SCEL: variants seen among roughly 807,000 people sequenced by gnomAD.
SCEL encodes sciellin.
In SCEL, 113 loss-of-function variants were observed where a neutral mutation model predicts 117.6. That is an observed-to-expected ratio of 0.96 (90% confidence interval 0.83 to 1.12). SCEL has a LOEUF of 1.12. Among genes scored for constraint, SCEL ranks in the 50% most tolerant of loss-of-function variants. SCEL has a pLI of 0.00. For missense variants in SCEL, 785 were observed against 810.8 expected (o/e 0.97, Z 0.39); for synonymous variants, 270 against 256.2 (o/e 1.05, Z -0.51).
intron 5 of SCEL, among the ~76,000 whole-genome samples, chr13:77,566,237 T>G (rs997860069): frequency 1.3e-5 from 2 of 152,150 alleles, no homozygotes; most frequent in African/African-American, 4.8e-5. Flanking sequence ...AGTGAACGAT[T>G]TGGGAGATAG....
At chr13:77,643,195 A>G (rs985431539) in intron 32 of SCEL, among the ~76,000 whole-genome samples, 4 of 152,142 alleles carry the variant, frequency 2.6e-5, no homozygotes, top group African/African-American at 4.8e-5. Flanking sequence ...TATTGCATTA[A>G]ATGCTTTTGA....
chr13:77,562,033 G>C (rs931232790), intron 4 of SCEL, among the ~76,000 whole-genome samples: 3 of 152,170 alleles, frequency 2.0e-5, no homozygotes, highest in Non-Finnish European at 4.4e-5. Context: ...CCATGTACAT[G>C]TTCTGGTAGA....
At chr13:77,545,640 A>C (rs2083946190) in intron 1 of SCEL, among the ~76,000 whole-genome samples, 1 of 152,236 alleles carries the variant, frequency 6.6e-6, no homozygotes, top group Non-Finnish European at 1.5e-5. Flanking sequence ...TACACCTTAG[A>C]GGCTTTACAT....
intron 27 of SCEL, among the ~76,000 whole-genome samples, chr13:77,618,800 G>T (rs1352246763): frequency 5.3e-5 from 8 of 152,036 alleles, no homozygotes; most frequent in Non-Finnish European, 2.9e-5. Context: ...CCAAACTAAT[G>T]GTTTATGTGG....
chr13:77,603,843 A>G (rs2087907129), intron 18 of SCEL, among the ~76,000 whole-genome samples: 1 of 152,212 alleles, frequency 6.6e-6, no homozygotes, highest in Non-Finnish European at 1.5e-5. Context: ...GGCTAGGTAG[A>G]TAGCTGAGTT....
intron 4 of SCEL, among the ~76,000 whole-genome samples, chr13:77,562,047 T>C (rs1225270619): frequency 6.6e-6 from 1 of 152,194 alleles, no homozygotes; most frequent in African/African-American, 2.4e-5. Context: ...TGGTAGATCA[T>C]TTAAACATGT....
intron 3 of SCEL, among the ~76,000 whole-genome samples, chr13:77,557,993 TCA>T (rs1432677106): frequency 6.6e-6 from 1 of 152,260 alleles, no homozygotes; most frequent in Non-Finnish European, 1.5e-5. Flanking sequence ...ATTTAGAGAC[TCA>T]CACTAACTTT....
intron 5 of SCEL, among the ~76,000 whole-genome samples, chr13:77,565,511 G>A (rs1248097915): frequency 2.6e-5 from 4 of 152,306 alleles, no homozygotes; most frequent in East Asian, 3.9e-4. Context: ...GGCACTAAAT[G>A]TGGAAATAGA....
chr13:77,602,334 C>A, intron 16 of SCEL: 1 of 505,770 alleles, frequency 2.0e-6, no homozygotes, highest in Non-Finnish European at 3.5e-6. Flanking sequence ...GGAAAACCTG[C>A]TACATAATCT....
At chr13:77,551,333 G>T (rs906996581) in intron 1 of SCEL, among the ~76,000 whole-genome samples, 1 of 152,198 alleles carries the variant, frequency 6.6e-6, no homozygotes, top group Non-Finnish European at 1.5e-5. Context: ...TTCAAAGAGG[G>T]CACAGATCAA....
At chr13:77,601,388 C>A (rs1274272494) in intron 15 of SCEL, among the ~76,000 whole-genome samples, 2 of 152,014 alleles carry the variant, frequency 1.3e-5, no homozygotes, top group African/African-American at 2.4e-5. Flanking sequence ...TTCCTTCTTT[C>A]TCACATTGAA....
intron 8 of SCEL, among the ~76,000 whole-genome samples, chr13:77,571,378 C>CA (rs34247478): frequency 9.4e-4 from 117 of 124,124 alleles, no homozygotes; most frequent in East Asian, 5.5e-3. Context: ...GACTACATCT[C>CA]AAAAAAAAAA....
At chr13:77,546,902 C>T (rs1025395134) in intron 1 of SCEL, among the ~76,000 whole-genome samples, 2 of 152,156 alleles carry the variant, frequency 1.3e-5, no homozygotes, top group African/African-American at 4.8e-5. Context: ...AGGACTGCTC[C>T]TCCCTCCTGC....
intron 21 of SCEL, 144 bp from the exon 22 acceptor site, chr13:77,609,903 C>A: frequency 2.7e-6 from 1 of 376,572 alleles, no homozygotes. Context: ...ACAGTCAACA[C>A]TGAAAACCCC....
intron 19 of SCEL, among the ~76,000 whole-genome samples, chr13:77,607,027 G>A (rs1395517318): frequency 6.6e-6 from 1 of 152,170 alleles, no homozygotes; most frequent in Non-Finnish European, 1.5e-5. Flanking sequence ...TTCGATGACT[G>A]TGTGGAACTT....
Position 77,644,271 on chromosome 13 carries a change from A to T in SCEL, c.2064A>T (p.Pro688=). ...TTTAATTTGCAGCAAAGTGGATTCC[A>T]TAACTCTGGCACAAGGAAATCAAGA... The part of the protein sequence containing the change: ...CYSKIMAKWI[P] Residue 688 remains proline, a synonymous_variant, in exon 33 of 33, where the codon CCA becomes CCT. Coordinates refer to ENST00000349847, the MANE Select transcript of SCEL (RefSeq NM_144777.3). 1 of 1,613,286 alleles carries T rather than the reference A, an allele frequency of 6.2e-7. No homozygotes were observed.
Position 77,559,846 on chromosome 13 carries a change from C to A in SCEL, c.204C>A (p.Ser68=). ...GGGTGGTGCTCAACCGACATAATTC[C>A]CATGATGCATTGGACAGGTGGGTGT... ...YGRVVLNRHN[S]HDALDRKVNE... Residue 68 remains serine (S), a synonymous_variant, in exon 4 of 33, where the codon TCC becomes TCA. Transcript: ENST00000349847. 6.2e-7 allele frequency: 1 copy of A among 1,613,618 alleles called. No individual in the cohort carries two copies. Among genetic ancestry groups the A allele is most frequent in the Non-Finnish European group, 8.5e-7 (1 of 1,179,694 alleles).
intron 1 of SCEL, among the ~76,000 whole-genome samples, chr13:77,537,999 CCATTTGTTGAT>C (rs1293180228): frequency 6.6e-6 from 1 of 152,060 alleles, no homozygotes; most frequent in African/African-American, 2.4e-5. Flanking sequence ...TGCTTCTAGA[CCATTTGTTGAT>C]CATTTTCCAT....
intron 10 of SCEL, 33 bp from the exon 11 acceptor site, chr13:77,591,362 G>A: frequency 7.7e-7 from 1 of 1,299,292 alleles, no homozygotes; most frequent in Non-Finnish European, 1.1e-6. Context: ...TTTCTTTTCT[G>A]ACTGATATAA....
Sources: allele counts gnomAD v4.1 joint callset (sites outside exome capture counted in the v4.1 genomes callset), GRCh38; gene constraint gnomAD v4.1.1; transcripts MANE v1.5; gene names NCBI Gene and HGNC (gene_info 2026-07-23, HGNC 2026-07-21).